Variants in DLGAP1 observed in about 807,000 individuals in gnomAD.
DLGAP1 encodes the protein DLG associated protein 1, also known as disks large-associated protein 1.
Under a neutral mutation model 90.8 loss-of-function variants are expected in DLGAP1, and 11 were observed. The ratio of observed to expected loss-of-function variants is 0.12; its 90% CI spans 0.08 to 0.20. The LOEUF is 0.20. DLGAP1 is among the 10% of genes least tolerant of loss of function. DLGAP1 has a pLI of 1.00. For missense variants in DLGAP1, 1,050 were observed against 1,333.8 expected (o/e 0.79, Z 3.31); for synonymous variants, 558 against 540.7 (o/e 1.03, Z -0.44).
intron 7 of DLGAP1, among the ~76,000 whole-genome samples, chr18:3,587,821 G>A (rs2055981327): frequency 1.3e-5 from 2 of 152,060 alleles, no homozygotes. Context: ...CACCATGAGG[G>A]TCCGCGGCTT....
intron 7 of DLGAP1, among the ~76,000 whole-genome samples, chr18:3,661,571 C>CTTTTTTTTTTTTT (rs10549959): frequency 1.8e-4 from 22 of 125,278 alleles, no homozygotes; most frequent in African/African-American, 5.7e-4. Context: ...GCTGTAAGGT[C>CTTTTTTTTTTTTT]TTTTTTTTTT....
intron 2 of DLGAP1, among the ~76,000 whole-genome samples, chr18:4,027,651 T>A (rs1356548718): frequency 6.6e-6 from 1 of 152,062 alleles, no homozygotes; most frequent in Non-Finnish European, 1.5e-5. Flanking sequence ...CTCCTTCTCT[T>A]CTCTGTAGGA....
chr18:4,115,548 A>T (rs1416325114), intron 2 of DLGAP1, among the ~76,000 whole-genome samples: 1 of 148,426 alleles, frequency 6.7e-6, no homozygotes, highest in African/African-American at 2.6e-5. Flanking sequence ...TGCAGTGGCG[A>T]GATCTCGGCT....
intron 1 of DLGAP1, among the ~76,000 whole-genome samples, chr18:4,287,987 T>G (rs2079744955): frequency 6.6e-6 from 1 of 152,038 alleles, no homozygotes; most frequent in African/African-American, 2.4e-5. Context: ...AGAGTGAACA[T>G]TTTACAGGCT....
At chr18:3,887,132 C>G (rs2071338116) in intron 3 of DLGAP1, among the ~76,000 whole-genome samples, 1 of 152,164 alleles carries the variant, frequency 6.6e-6, no homozygotes. Context: ...AGCCAGAGTC[C>G]CTTGCTATTG....
intron 3 of DLGAP1, among the ~76,000 whole-genome samples, chr18:3,882,216 T>C (rs531351867): frequency 6.6e-6 from 1 of 152,176 alleles, no homozygotes; most frequent in East Asian, 1.9e-4. Flanking sequence ...ATATCTCTTC[T>C]TCCTAGTTTA....
rs976797226 is a variant in DLGAP1, at chr18:4,342,678, C to T, written c.-267+112328G>A. Among the ~76,000 whole-genome samples the T allele has an allele frequency of 3.9e-5, 6 of 152,116 alleles. No homozygotes were observed. Among genetic ancestry groups the T allele is most frequent in the African/African-American group, 1.2e-4 (5 of 41,402 alleles). ...TGGTTTTGGTTAATACTACATTTGC[C>T]ACAAATCTGCAGATGTATGTTGAAA... On this transcript the variant is annotated intron_variant, in intron 1 of 12. Transcript: ENST00000315677. This position sits in a 1 kb window ranked among gnomAD's most constrained non-coding sequence, Gnocchi z 5.8.
chr18:3,820,126 CTT>C (rs1349191957), intron 4 of DLGAP1, among the ~76,000 whole-genome samples: 1 of 152,122 alleles, frequency 6.6e-6, no homozygotes, highest in Non-Finnish European at 1.5e-5. Context: ...GCACGTGACT[CTT>C]TGAGAGCGGA....
intron 1 of DLGAP1, among the ~76,000 whole-genome samples, chr18:4,434,157 T>C (rs2083349040): frequency 7.6e-6 from 1 of 132,262 alleles, no homozygotes; most frequent in African/African-American, 2.6e-5. Context: ...ACACCGAAAA[T>C]ATTGCATCCC....
intron 1 of DLGAP1, among the ~76,000 whole-genome samples, chr18:4,356,360 T>G (rs1164573499): frequency 1.3e-5 from 2 of 152,170 alleles, no homozygotes; most frequent in African/African-American, 2.4e-5. Context: ...TAACAGCCAC[T>G]GCAAATCTCT....
intron 1 of DLGAP1, among the ~76,000 whole-genome samples, chr18:4,362,858 A>C (rs1347827760): frequency 3.9e-5 from 6 of 152,152 alleles, no homozygotes; most frequent in Admixed American, 3.9e-4. Context: ...TAATCAAGAG[A>C]AAATACTGAA....
chr18:4,232,779 T>C (rs28670365), intron 1 of DLGAP1, among the ~76,000 whole-genome samples: 584 of 152,284 alleles, frequency 3.8e-3, no homozygotes, highest in African/African-American at 0.012. Flanking sequence ...AGAAGGGACC[T>C]CACCGCATGA....
At chr18:3,835,314 T>C (rs1239961162) in intron 4 of DLGAP1, among the ~76,000 whole-genome samples, 1 of 152,182 alleles carries the variant, frequency 6.6e-6, no homozygotes, top group Non-Finnish European at 1.5e-5. Flanking sequence ...TTACATTATA[T>C]AAGAATGGCA....
chr18:3,728,065 G>A (rs2147441262), intron 7 of DLGAP1: 1 of 152,194 alleles, frequency 6.6e-6, no homozygotes, highest in African/African-American at 2.4e-5. Context: ...AAACTCTTAA[G>A]CCTGCGGAAG....
Position 3,703,665 on chromosome 18 carries a change from T to A in DLGAP1, c.1591+25470A>T, listed in dbSNP as rs565448340. 1.6e-4 allele frequency among the ~76,000 whole-genome samples: 25 copies of A among 152,350 alleles called. 2 individuals are homozygous for A. The East Asian group carries it at 4.6e-3, about 28-fold the overall frequency. ...TTCTTCTCTTTTCGTTCTTTTTTGT[T>A]TTTTGTTTTTGTTTTTTAATTCTAG... On this transcript the variant is annotated intron_variant, in intron 7 of 12. Coordinates refer to ENST00000315677, the MANE Select transcript of DLGAP1 (RefSeq NM_004746.4).
chr18:3,859,662 T>C (rs57758883), intron 4 of DLGAP1, among the ~76,000 whole-genome samples: 20,977 of 152,132 alleles, frequency 0.14, 1,527 homozygotes, highest in South Asian at 0.24. Context: ...TCAAGGAATG[T>C]AGGTGGCTTC....
intron 3 of DLGAP1, among the ~76,000 whole-genome samples, chr18:3,971,666 A>G (rs1380619339): frequency 6.6e-6 from 1 of 152,190 alleles, no homozygotes; most frequent in African/African-American, 2.4e-5. Flanking sequence ...TTGGTAAGCT[A>G]AGCTGTACTA....
intron 4 of DLGAP1, among the ~76,000 whole-genome samples, chr18:3,870,627 T>TCTAC (rs1208022879): frequency 1.3e-5 from 2 of 151,988 alleles, no homozygotes; most frequent in Non-Finnish European, 1.5e-5. Context: ...TATCTATCTA[T>TCTAC]CTATCTATCT....
At chr18:3,733,016 T>C (rs926673730) in intron 6 of DLGAP1, among the ~76,000 whole-genome samples, 2 of 152,302 alleles carry the variant, frequency 1.3e-5, no homozygotes, top group African/African-American at 4.8e-5. Context: ...ATCTTGGTTC[T>C]CAAGGACATG....
Sources: allele counts gnomAD v4.1 joint callset (sites outside exome capture counted in the v4.1 genomes callset), GRCh38; gene constraint gnomAD v4.1.1; non-coding constraint Gnocchi (gnomAD v3.1); transcripts MANE v1.5; gene names NCBI Gene and HGNC (gene_info 2026-07-23, HGNC 2026-07-21).